Variants in NLK observed in about 807,000 individuals in gnomAD.
NLK encodes serine/threonine-protein kinase NLK.
Under a neutral mutation model 59.0 loss-of-function variants are expected in NLK, and 11 were observed. The ratio of observed to expected loss-of-function variants is 0.19; its 90% CI spans 0.12 to 0.31. The LOEUF (loss-of-function observed/expected upper bound fraction) is 0.31. Among genes scored for constraint, NLK ranks in the 10% least tolerant of loss-of-function variants. The pLI is 1.00. For synonymous variants in NLK, 235 were observed against 235.9 expected, an observed-to-expected ratio of 1.00 and a Z score of 0.03; for missense variants, 410 against 661.1, an observed-to-expected ratio of 0.62 and a Z score of 4.16.
chr17:28,065,006 A>G (rs1000729267), intron 1 of NLK, among the ~76,000 whole-genome samples: 1 of 152,200 alleles, frequency 6.6e-6, no homozygotes, highest in Non-Finnish European at 1.5e-5. Flanking sequence ...ATTAATTAGA[A>G]AATCCTAATT....
intron 1 of NLK, among the ~76,000 whole-genome samples, chr17:28,113,471 A>G (rs1350125108): frequency 2.6e-5 from 4 of 152,260 alleles, no homozygotes; most frequent in African/African-American, 4.8e-5. Context: ...TGCTAAACAA[A>G]GGATGGATTA....
chr17:28,177,217 G>GA (rs1326742717), intron 7 of NLK, among the ~76,000 whole-genome samples: 1 of 151,992 alleles, frequency 6.6e-6, no homozygotes, highest in Non-Finnish European at 1.5e-5. Context: ...AATTTCTATT[G>GA]AAAAAAATTC....
At chr17:28,111,420 C>T (rs113408348) in intron 1 of NLK, among the ~76,000 whole-genome samples, 12 of 152,076 alleles carry the variant, frequency 7.9e-5, no homozygotes, top group African/African-American at 2.9e-4. Context: ...GGAGATCTGC[C>T]CACCTTGGCC....
At chr17:28,174,318 C>A (rs1362340094) in intron 7 of NLK, among the ~76,000 whole-genome samples, 3 of 152,038 alleles carry the variant, frequency 2.0e-5, no homozygotes, top group Admixed American at 2.0e-4. Context: ...CAAATCATTT[C>A]TTATATATTT....
At chr17:28,057,828 C>CT (rs1909493777) in intron 1 of NLK, among the ~76,000 whole-genome samples, 1 of 152,038 alleles carries the variant, frequency 6.6e-6, no homozygotes, top group Non-Finnish European at 1.5e-5. Context: ...ATTGTTTCCC[C>CT]AAGGGTAATG....
chr17:28,050,606 T>C (rs1375780856), intron 1 of NLK, among the ~76,000 whole-genome samples: 4 of 152,032 alleles, frequency 2.6e-5, no homozygotes, highest in South Asian at 2.1e-4. Flanking sequence ...TCGTCAGATT[T>C]AATTTTTTTT....
chr17:28,101,899 A>G (rs189705338), intron 1 of NLK, among the ~76,000 whole-genome samples: 1 of 152,242 alleles, frequency 6.6e-6, no homozygotes, highest in East Asian at 1.9e-4. Context: ...TATTTCTTGT[A>G]TAAATTTTAT....
intron 2 of NLK, among the ~76,000 whole-genome samples, chr17:28,128,946 A>C (rs1260581222): frequency 2.0e-5 from 3 of 152,238 alleles, no homozygotes; most frequent in African/African-American, 7.2e-5. Flanking sequence ...GATATAGTCC[A>C]GTTCAATAAT....
chr17:28,119,503 G>C (rs780884623), intron 1 of NLK, among the ~76,000 whole-genome samples: 1 of 152,134 alleles, frequency 6.6e-6, no homozygotes, highest in African/African-American at 2.4e-5. Flanking sequence ...TCAGAAGTTA[G>C]GAAGAAGTAT....
chr17:28,118,946 A>G (rs556732153), intron 1 of NLK, among the ~76,000 whole-genome samples: 1 of 152,332 alleles, frequency 6.6e-6, no homozygotes, highest in South Asian at 2.1e-4. Context: ...TGTCTTATTT[A>G]AGGCATCCAG....
At chr17:28,046,481 A>G (rs1209831203) in intron 1 of NLK, among the ~76,000 whole-genome samples, 1 of 152,226 alleles carries the variant, frequency 6.6e-6, no homozygotes, top group Non-Finnish European at 1.5e-5. Flanking sequence ...AAGATATCAT[A>G]TACAATTTGA....
At chr17:28,142,823 A>G (rs1347365622) in intron 3 of NLK, among the ~76,000 whole-genome samples, 2 of 152,096 alleles carry the variant, frequency 1.3e-5, no homozygotes, top group Non-Finnish European at 2.9e-5. Flanking sequence ...ATTTGTGCTT[A>G]AGGTGCCTAA....
At chr17:28,068,588 T>C (rs1909910843) in intron 1 of NLK, among the ~76,000 whole-genome samples, 1 of 152,242 alleles carries the variant, frequency 6.6e-6, no homozygotes, top group African/African-American at 2.4e-5. Context: ...TTTATAAATA[T>C]CCTTTTGTTT....
At chr17:28,168,134 G>A (rs568354327) in intron 5 of NLK, among the ~76,000 whole-genome samples, 1 of 150,642 alleles carries the variant, frequency 6.6e-6, no homozygotes, top group African/African-American at 2.4e-5. Flanking sequence ...AGACCAGCCT[G>A]GCCAATATGG....
intron 1 of NLK, among the ~76,000 whole-genome samples, chr17:28,064,098 G>A (rs1028799699): frequency 2.0e-5 from 3 of 150,118 alleles, no homozygotes; most frequent in East Asian, 2.0e-4. Flanking sequence ...ATCAGAGGAA[G>A]TCAAGAAGGA....
intron 2 of NLK, among the ~76,000 whole-genome samples, chr17:28,125,389 C>T (rs559851444): frequency 5.9e-5 from 9 of 152,248 alleles, no homozygotes; most frequent in East Asian, 5.8e-4. Flanking sequence ...CTTAACTTCT[C>T]CAATCTTTAA....
At chr17:28,091,891 TA>T (rs1567711574) in intron 1 of NLK, among the ~76,000 whole-genome samples, 1 of 152,214 alleles carries the variant, frequency 6.6e-6, no homozygotes, top group Non-Finnish European at 1.5e-5. Flanking sequence ...TCTTCCAAAA[TA>T]AAAAGTCTTT....
intron 4 of NLK, among the ~76,000 whole-genome samples, 194 bp from the exon 5 acceptor site, chr17:28,163,349 C>A (rs111228296): frequency 7.9e-5 from 12 of 152,242 alleles, no homozygotes; most frequent in African/African-American, 2.9e-4. Flanking sequence ...CTTTGCAAAC[C>A]TTTGGTGACA....
chr17:28,105,479 A>T (rs1471312472), intron 1 of NLK, among the ~76,000 whole-genome samples: 1 of 152,220 alleles, frequency 6.6e-6, no homozygotes, highest in Non-Finnish European at 1.5e-5. Context: ...TGCTTCAGAT[A>T]TAAACCTCTA....
Sources: allele counts gnomAD v4.1 joint callset (sites outside exome capture counted in the v4.1 genomes callset), GRCh38; gene constraint gnomAD v4.1.1; transcripts MANE v1.5; gene names NCBI Gene and HGNC (gene_info 2026-07-23, HGNC 2026-07-21).